NAT1: variants seen among roughly 807,000 people sequenced by gnomAD.
NAT1 encodes the protein N-acetyltransferase 1, also known as arylamine N-acetyltransferase 1.
For synonymous variants in NAT1, 144 were observed against 122.6 expected, an observed-to-expected ratio of 1.17 and a Z score of -1.16; for missense variants, 400 against 339.2, an observed-to-expected ratio of 1.18 and a Z score of -1.41.
intron 2 of NAT1, among the ~76,000 whole-genome samples, chr8:18,188,994 CAAAAAA>C (rs55636901): frequency 2.4e-5 from 2 of 83,120 alleles, no homozygotes; most frequent in African/African-American, 7.8e-5. Flanking sequence ...GACTCCGACT[CAAAAAA>C]AAAAAAAAAA....
chr8:18,180,444 C>T (rs891391467), intron 2 of NAT1, among the ~76,000 whole-genome samples: 2 of 152,080 alleles, frequency 1.3e-5, no homozygotes, highest in Admixed American at 6.6e-5. Flanking sequence ...CTATTGAGCA[C>T]CTGCTCTGCT....
At chr8:18,197,546 CAA>C (rs913974168) in intron 2 of NAT1, among the ~76,000 whole-genome samples, 3 of 152,184 alleles carry the variant, frequency 2.0e-5, no homozygotes, top group African/African-American at 7.2e-5. Flanking sequence ...CCCGTCACAA[CAA>C]AGGCTCATCC....
intron 2 of NAT1, among the ~76,000 whole-genome samples, chr8:18,188,265 G>A (rs1263158056): frequency 6.6e-6 from 1 of 152,136 alleles, no homozygotes; most frequent in Non-Finnish European, 1.5e-5. Flanking sequence ...TCTGATGTCT[G>A]CCCAAGCCCA....
At chr8:18,221,295 T>C (rs1391074401) in intron 2 of NAT1, among the ~76,000 whole-genome samples, 2 of 149,294 alleles carry the variant, frequency 1.3e-5, no homozygotes, top group Non-Finnish European at 3.0e-5. Flanking sequence ...TCTTAGCGAG[T>C]GTTTTTTTTT....
intron 2 of NAT1, among the ~76,000 whole-genome samples, chr8:18,203,341 G>C (rs75851038): frequency 5.9e-5 from 9 of 152,108 alleles, no homozygotes; most frequent in African/African-American, 1.9e-4. Context: ...TAGTTTTTAC[G>C]TTGTTGGTAA....
chr8:18,195,474 G>A (rs1411592660), intron 2 of NAT1, among the ~76,000 whole-genome samples: 1 of 149,770 alleles, frequency 6.7e-6, no homozygotes, highest in Non-Finnish European at 1.5e-5. Context: ...GTAATAGCTG[G>A]ACAAAGGAAG....
rs1167481551 is a variant in NAT1, at chr8:18,193,067, A to AT, written n.93-16687dup. Among the ~76,000 whole-genome samples, 512 of 79,628 alleles carry AT rather than the reference A, an allele frequency of 6.4e-3. 18 individuals carry two copies. The highest frequency in any genetic ancestry group is 8.0e-3 in the East Asian group (18 of 2,248). The allele number at this position is 79,628 out of a possible 152,430, so 52.2% of individuals were successfully genotyped here. The stretch of plus-strand genomic sequence containing the variant: ...AGATGTTAAGATCTAATGAATTAGA[A>AT]TTTTTTTTTTTTTTTTTTTTTTTTT... On this transcript the variant is annotated intron_variant and non_coding_transcript_variant, in intron 2 of 4. Coordinates refer to the NAT1 transcript ENST00000517441.
intron 2 of NAT1, among the ~76,000 whole-genome samples, chr8:18,189,228 T>C (rs568244314): frequency 7.9e-5 from 12 of 152,254 alleles, no homozygotes; most frequent in African/African-American, 2.9e-4. Flanking sequence ...ACATGTTTTA[T>C]GGCAGCAATT....
rs753830797 is a variant in NAT1, at chr8:18,191,042, G to C, written n.93-18739G>C. On this transcript the variant is annotated intron_variant and non_coding_transcript_variant, in intron 2 of 4. Transcript: ENST00000517441. ...GATCACACCACTGTGCTTCTGCTGA[G>C]TGACAGAGCAAGACTGTCCAAAAAA... 9.7e-4 allele frequency among the ~76,000 whole-genome samples: 144 copies of C among 148,284 alleles called. 2 individuals are homozygous for C. Among genetic ancestry groups the C allele is most frequent in the Admixed American group, 4.1e-4 (6 of 14,674 alleles).
chr8:18,192,477 A>G (rs962051705), intron 2 of NAT1, among the ~76,000 whole-genome samples: 3 of 152,242 alleles, frequency 2.0e-5, no homozygotes, highest in Admixed American at 6.5e-5. Flanking sequence ...TGACCCAGCC[A>G]TCCCATTACT....
intron 2 of NAT1, among the ~76,000 whole-genome samples, chr8:18,175,895 G>A (rs545708647): frequency 1.3e-5 from 2 of 152,058 alleles, no homozygotes; most frequent in South Asian, 4.1e-4. Context: ...TTGGATAATA[G>A]CTATTTTAAC....
intron 2 of NAT1, among the ~76,000 whole-genome samples, chr8:18,193,192 C>G (rs986822066): frequency 6.7e-6 from 1 of 149,166 alleles, no homozygotes; most frequent in Non-Finnish European, 1.5e-5. Flanking sequence ...AATCCTCCAC[C>G]TCAGCCACTC....
chr8:18,207,465 T>A (rs966725440), upstream of NAT1, among the ~76,000 whole-genome samples: 2 of 152,200 alleles, frequency 1.3e-5, no homozygotes, highest in African/African-American at 4.8e-5. Flanking sequence ...AAATTATAAA[T>A]TACTTTGGGC....
At chr8:18,206,521 C>T (rs7843046), upstream of NAT1, among the ~76,000 whole-genome samples, 14,526 of 152,214 alleles carry the variant, frequency 0.095, 1,736 homozygotes, top group African/African-American at 0.28. Context: ...CTATTGAATA[C>T]AGGACTGTAT....
chr8:18,223,125 A>T lies in NAT1; in HGVS notation c.*205A>T. The T allele has an allele frequency of 4.7e-6, 1 of 212,874 alleles. No individual in the cohort carries two copies. The highest frequency in any genetic ancestry group is 9.9e-6 in the Non-Finnish European group (1 of 100,592). 13.2% of individuals were successfully genotyped at this position (212,874 alleles called of 1,614,324 possible). A position where few individuals can be genotyped will look rare whatever the true frequency, so the allele number is the denominator to read the frequency against. ...CAAACCTTTTCAAATAATAATAATA[A>T]TAATAATAAAAAATGTATTTTAAAG... On this transcript the variant is annotated 3_prime_UTR_variant, in exon 3 of 3. Coordinates refer to ENST00000307719, the MANE Select transcript of NAT1 (RefSeq NM_000662.8).
At chr8:18,172,854 C>A (rs1008612978) in intron 2 of NAT1, among the ~76,000 whole-genome samples, 5 of 152,096 alleles carry the variant, frequency 3.3e-5, no homozygotes, top group African/African-American at 1.2e-4. Context: ...CCCCAAAGAA[C>A]TTGAGTGGAT....
intron 2 of NAT1, chr8:18,221,756 C>G (rs1254634101): frequency 3.6e-6 from 1 of 281,512 alleles, no homozygotes; most frequent in African/African-American, 2.2e-5. Context: ...TTTTATTAAT[C>G]ACCAAGAGAA....
At chr8:18,203,382 G>C (rs1803560244) in intron 2 of NAT1, among the ~76,000 whole-genome samples, 1 of 152,152 alleles carries the variant, frequency 6.6e-6, no homozygotes, top group African/African-American at 2.4e-5. Context: ...AGAATCATCA[G>C]AGTTAAATAT....
At chr8:18,210,671 T>G (rs908245810) in intron 1 of NAT1, among the ~76,000 whole-genome samples, 2 of 152,230 alleles carry the variant, frequency 1.3e-5, no homozygotes, top group Non-Finnish European at 2.9e-5. Flanking sequence ...AAGCTCGTAA[T>G]AATTCCTGCT....
Sources: allele counts gnomAD v4.1 joint callset (sites outside exome capture counted in the v4.1 genomes callset), GRCh38; gene constraint gnomAD v4.1.1; transcripts MANE v1.5; gene names NCBI Gene and HGNC (gene_info 2026-07-23, HGNC 2026-07-21).